LRRFIP1: variants seen among roughly 807,000 people sequenced by gnomAD.
The protein encoded by LRRFIP1 is LRR binding FLII interacting protein 1.
A neutral mutation model predicts 104.4 loss-of-function variants in LRRFIP1; 62 were observed. The ratio of observed to expected loss-of-function variants is 0.59; its 90% confidence interval spans 0.48 to 0.73. The LOEUF (loss-of-function observed/expected upper bound fraction) is 0.73. Ranked by LOEUF, LRRFIP1 falls within the 30% of genes least tolerant of loss-of-function variation. The probability of loss-of-function intolerance (pLI) is 0.00; values close to 1 mark genes in which losing one functional copy is unlikely to be tolerated. For synonymous variants in LRRFIP1, 300 were observed against 299.0 expected (o/e 1.00, Z -0.03); for missense variants, 796 against 824.5 (o/e 0.97, Z 0.42).
chr2:237,776,826 G>A (rs1292751275), intron 23 of LRRFIP1, among the ~76,000 whole-genome samples: 2 of 152,108 alleles, frequency 1.3e-5, no homozygotes, highest in South Asian at 2.1e-4. Flanking sequence ...TAGCTAGGTG[G>A]CGGTGGCTCT....
intron 11 of LRRFIP1, among the ~76,000 whole-genome samples, chr2:237,743,684 C>T (rs1051622276): frequency 5.9e-5 from 9 of 152,002 alleles, no homozygotes; most frequent in African/African-American, 1.9e-4. Context: ...TTGCCCCAGC[C>T]CTCATGGGAC....
rs114728969 is a variant in LRRFIP1 at position 237,776,273 on chromosome 2, A to G, written c.1812+1811A>G. On this transcript the variant is annotated intron_variant, in intron 23 of 23. Transcript: ENST00000308482. ...CCATGCCTGGCCCATTTAACCTTCT[A>G]GCCTACTTTTGCTATGGTCAGAGAA... Among the ~76,000 whole-genome samples the G allele has an allele frequency of 7.9e-3, 1,206 of 152,262 alleles. 3 individuals carry two copies. Among genetic ancestry groups the G allele is most frequent in the Middle Eastern group, 0.017 (5 of 294 alleles).
chr2:237,764,159 C>T (rs771278911), intron 19 of LRRFIP1: 6 of 1,613,874 alleles, frequency 3.7e-6, no homozygotes, highest in East Asian at 2.2e-5. Flanking sequence ...AGGCGGCAGG[C>T]GCGGTGCACA....
At chr2:237,652,100 A>C (rs1200074560) in intron 1 of LRRFIP1, among the ~76,000 whole-genome samples, 1 of 152,198 alleles carries the variant, frequency 6.6e-6, no homozygotes, top group East Asian at 1.9e-4. Flanking sequence ...GGATCTTTCC[A>C]TCATAAACTT....
chr2:237,663,627 C>G (rs905990212), intron 1 of LRRFIP1, among the ~76,000 whole-genome samples: 2 of 152,248 alleles, frequency 1.3e-5, no homozygotes, highest in Non-Finnish European at 2.9e-5. Context: ...GCAGCCTAAA[C>G]AGCTCAGCCT....
intron 13 of LRRFIP1, among the ~76,000 whole-genome samples, chr2:237,749,927 A>G (rs969301371): frequency 2.0e-5 from 3 of 152,208 alleles, no homozygotes; most frequent in Non-Finnish European, 4.4e-5. Flanking sequence ...TATTTGTTAA[A>G]GTAACTAGGG....
intron 23 of LRRFIP1, among the ~76,000 whole-genome samples, chr2:237,774,970 A>G (rs572083460): frequency 1.3e-5 from 2 of 152,374 alleles, no homozygotes; most frequent in African/African-American, 2.4e-5. Context: ...ATTAAAACAC[A>G]TACTTTACCT....
rs1199843350 is a variant in LRRFIP1 at position 237,762,771 on chromosome 2, A to C, written c.1459+2566A>C. 6.2e-7 allele frequency: 1 copy of C among 1,614,252 alleles called. No homozygotes were observed. Among genetic ancestry groups the C allele is most frequent in the Admixed American group, 1.7e-5 (1 of 60,038 alleles). On this transcript the variant is annotated intron_variant, in intron 19 of 23. Coordinates refer to ENST00000308482, the MANE Select transcript of LRRFIP1 (RefSeq NM_001137550.2). The stretch of plus-strand genomic sequence containing the variant: ...AATACCGAGGACCAGAAATCCTCTG[A>C]AGACACTGCCCCATTCCTAGGAACC...
chr2:237,692,265 CG>C, intron 1 of LRRFIP1: 1 of 1,156,676 alleles, frequency 8.6e-7, no homozygotes, highest in East Asian at 4.2e-5. Context: ...CTGTCGGCCG[CG>C]CCCGAGCCCA....
rs750874345 is a variant in LRRFIP1, at chr2:237,739,307, G to C, written c.631G>C (p.Val211Leu). 1.9e-6 allele frequency: 3 copies of C among 1,555,656 alleles called. No individual in the cohort carries two copies. Among genetic ancestry groups the C allele is most frequent in the Non-Finnish European group, 2.6e-6 (3 of 1,151,078 alleles). The change falls in exon 11 of 24, where the codon GTG becomes CTG. Residue 211 changes from valine (V) to leucine (L), a missense_variant and splice_region_variant. Transcript: ENST00000308482. ...GGCCAGCTCGGCCCGGGCCAGCCCT[G>C]TGGTAAGTCGGCCTCCTGGCCTTGC... is the stretch of plus-strand genomic sequence containing the variant. ...SRASSARASP[V>L]VEERPEKDFT...
intron 1 of LRRFIP1, among the ~76,000 whole-genome samples, chr2:237,644,096 C>T (rs964882604): frequency 4.6e-5 from 7 of 152,170 alleles, no homozygotes; most frequent in African/African-American, 1.4e-4. Context: ...TGTGTTTCTC[C>T]GTTGGCTTTT....
chr2:237,765,321 A>T, intron 19 of LRRFIP1: 1 of 239,918 alleles, frequency 4.2e-6, no homozygotes, highest in Non-Finnish European at 6.7e-6. Flanking sequence ...CTGTAAACCT[A>T]GCACATTGGG....
chr2:237,637,511 T>C (rs1478862472), intron 1 of LRRFIP1, among the ~76,000 whole-genome samples: 1 of 152,220 alleles, frequency 6.6e-6, no homozygotes, highest in South Asian at 2.1e-4. Flanking sequence ...GAATAATTCA[T>C]TTATTTGCTT....
Position 237,758,477 on chromosome 2 carries a change from C to T in LRRFIP1, c.1225-252C>T, listed in dbSNP as rs564810036. On this transcript the variant is annotated intron_variant, in intron 17 of 23. Coordinates refer to ENST00000308482, the MANE Select transcript of LRRFIP1 (RefSeq NM_001137550.2). ...GCAAATATAGTAACCTCTGGGGCCC[C>T]GTGCTGTGTCCGTGTGCTTCAAGAT... 3.3e-5 allele frequency among the ~76,000 whole-genome samples: 5 copies of T among 152,304 alleles called. No homozygotes were observed. The East Asian group carries it at 5.8e-4, about 18-fold the overall frequency.
intron 20 of LRRFIP1, 83 bp from the exon 21 acceptor site, chr2:237,771,998 C>G (rs2060686292): frequency 1.1e-6 from 1 of 900,152 alleles, no homozygotes; most frequent in Non-Finnish European, 1.8e-6. Context: ...CATGCTGCTT[C>G]CTTTCTGATG....
chr2:237,748,228 G>A (rs1417545247), intron 11 of LRRFIP1, 136 bp from the exon 12 acceptor site: 2 of 716,236 alleles, frequency 2.8e-6, no homozygotes, highest in Admixed American at 2.6e-5. Context: ...AATTTGGAGT[G>A]TCCCATTTTT....
intron 1 of LRRFIP1, among the ~76,000 whole-genome samples, chr2:237,637,230 G>C (rs1383468406): frequency 6.6e-6 from 1 of 152,238 alleles, no homozygotes; most frequent in Non-Finnish European, 1.5e-5. Context: ...CACTTTGGGA[G>C]ACCAAGGCGG....
chr2:237,743,228 A>G (rs912933622), intron 11 of LRRFIP1, among the ~76,000 whole-genome samples: 1 of 144,460 alleles, frequency 6.9e-6, no homozygotes, highest in African/African-American at 2.5e-5. Flanking sequence ...CAGGCTCTGT[A>G]GGGAGTCCCG....
chr2:237,753,233 T>G, intron 14 of LRRFIP1, 76 bp from the exon 15 acceptor site: 1 of 1,212,428 alleles, frequency 8.2e-7, no homozygotes, highest in South Asian at 1.5e-5. Context: ...GAGGGTTTTT[T>G]TTTAACAGAA....
Sources: gnomAD v4.1 joint callset for allele counts (sites outside exome capture counted in the v4.1 genomes callset) on GRCh38, gnomAD v4.1.1 for gene constraint, MANE v1.5 for transcripts, NCBI Gene and HGNC (gene_info 2026-07-23, HGNC 2026-07-21) for gene names.